The following HS3ST4 variants were observed in gnomAD, a reference collection of about 807,000 sequenced individuals.
HS3ST4 encodes the protein heparan sulfate-glucosamine 3-sulfotransferase 4.
Under a neutral mutation model 29.2 loss-of-function variants are expected in HS3ST4, and 17 were observed. That is an observed-to-expected ratio of 0.58 (90% CI 0.40 to 0.87). The LOEUF (loss-of-function observed/expected upper bound fraction) is 0.87. HS3ST4 is among the 40% of genes least tolerant of loss of function. The pLI is 0.00. For synonymous variants in HS3ST4, 314 were observed against 285.7 expected (o/e 1.10, Z -1.00); for missense variants, 627 against 634.5 (o/e 0.99, Z 0.13).
intron 1 of HS3ST4, among the ~76,000 whole-genome samples, chr16:26,027,641 T>C (rs555568546): frequency 6.6e-6 from 1 of 152,336 alleles, no homozygotes; most frequent in South Asian, 2.1e-4. Flanking sequence ...AACAGCTTCC[T>C]AGGACCACTG....
At chr16:25,872,747 T>C (rs1187904310) in intron 1 of HS3ST4, among the ~76,000 whole-genome samples, 1 of 152,184 alleles carries the variant, frequency 6.6e-6, no homozygotes, top group Non-Finnish European at 1.5e-5. Flanking sequence ...AAAGAGTAGA[T>C]GAATAAAATC....
chr16:25,861,601 C>T (rs1437021785), intron 1 of HS3ST4, among the ~76,000 whole-genome samples: 2 of 152,136 alleles, frequency 1.3e-5, no homozygotes, highest in African/African-American at 2.4e-5. Context: ...ATGCAACATA[C>T]AGGCACCAGC....
intron 1 of HS3ST4, among the ~76,000 whole-genome samples, chr16:26,095,211 A>G (rs188263654): frequency 6.6e-6 from 1 of 152,320 alleles, no homozygotes; most frequent in East Asian, 1.9e-4. Context: ...GATCAATGAG[A>G]CAGAAGGTTA....
intron 1 of HS3ST4, among the ~76,000 whole-genome samples, chr16:25,943,247 GT>G (rs1282680961): frequency 6.6e-6 from 1 of 152,168 alleles, no homozygotes; most frequent in African/African-American, 2.4e-5. Context: ...GACATAACAG[GT>G]GTTCCAACAT....
At chr16:26,025,250 G>T (rs1969456558) in intron 1 of HS3ST4, 1 of 154,068 alleles carries the variant, frequency 6.5e-6, no homozygotes, top group South Asian at 2.0e-4. Flanking sequence ...TGGTGCAAAA[G>T]TAACTGCGGT....
rs1426400065 is a variant in HS3ST4 at position 25,962,413 on chromosome 16, A to G, written c.735-173199A>G. Reference sequence around the variant, plus strand: ...CATTCACTGGTATGACCTGGGATACATTGCTTATCCACTTTTGCCTCAGTG... The same window carrying G: ...CATTCACTGGTATGACCTGGGATACGTTGCTTATCCACTTTTGCCTCAGTG... On this transcript the variant is annotated intron_variant, in intron 1 of 1. Coordinates refer to ENST00000331351, the MANE Select transcript of HS3ST4 (RefSeq NM_006040.3). 3.3e-5 allele frequency among the ~76,000 whole-genome samples: 5 copies of G among 152,204 alleles called. 1 individual carries two copies. Among genetic ancestry groups the G allele is most frequent in the South Asian group, 4.1e-4 (2 of 4,832 alleles).
At chr16:26,036,013 G>GTC (rs1158894213) in intron 1 of HS3ST4, among the ~76,000 whole-genome samples, 2 of 152,198 alleles carry the variant, frequency 1.3e-5, no homozygotes, top group African/African-American at 2.4e-5. Flanking sequence ...TTCACTGAAA[G>GTC]TCTCTCTCTC....
intron 1 of HS3ST4, among the ~76,000 whole-genome samples, chr16:26,051,119 C>T (rs953267565): frequency 1.3e-5 from 2 of 152,026 alleles, no homozygotes; most frequent in Non-Finnish European, 2.9e-5. Flanking sequence ...GCCCAACAAG[C>T]GTGCAAGGCT....
In HS3ST4 at chr16:25,692,514, C is replaced by A. The variant is rs1341194885; in HGVS notation, c.97C>A (p.Arg33Ser). 7.0e-7 allele frequency: 1 copy of A among 1,423,084 alleles called. No individual in the cohort carries two copies. The highest frequency in any genetic ancestry group is 9.3e-7 in the Non-Finnish European group (1 of 1,076,278). The allele number at this position is 1,423,084 out of a possible 1,614,324, so 88.2% of individuals were successfully genotyped here. A position where few individuals can be genotyped will look rare whatever the true frequency, so the allele number is the denominator to read the frequency against. ...PGASAKGPPARKLLFMCTLSL... is the reference protein window; with the variant it reads ...PGASAKGPPASKLLFMCTLSL... ...CGCCTCTGCTAAGGGGCCGCCGGCG[C>A]GCAAGCTGCTTTTTATGTGCACCTT... is the stretch of plus-strand genomic sequence containing the variant. Residue 33 changes from arginine to serine, a missense_variant, in exon 1 of 2, where the codon CGC becomes AGC. Arg to Ser is a moderately radical substitution (Grantham distance 110). Around this residue, in one of 2 missense-constraint regions of HS3ST4, gnomAD observed 402 missense variants for 340.8 expected, o/e 1.18. Transcript: ENST00000331351.
intron 1 of HS3ST4, among the ~76,000 whole-genome samples, chr16:25,962,478 C>G (rs762122962): frequency 7.2e-5 from 11 of 152,126 alleles, no homozygotes; most frequent in Admixed American, 1.3e-4. Context: ...ACATTTTAGT[C>G]AGGGTAATGA....
chr16:25,702,744 C>A (rs976789771), intron 1 of HS3ST4, among the ~76,000 whole-genome samples: 6 of 152,152 alleles, frequency 3.9e-5, no homozygotes, highest in Admixed American at 3.9e-4. Context: ...AAATAACTGT[C>A]ACTGTTTAGA....
intron 1 of HS3ST4, among the ~76,000 whole-genome samples, chr16:26,079,896 G>A (rs7186824): frequency 0.047 from 7,105 of 152,230 alleles, 546 homozygotes; most frequent in African/African-American, 0.16. Context: ...GCTACTTTCT[G>A]AGCGCAATGG....
At chr16:25,988,664 G>A (rs933073982) in intron 1 of HS3ST4, among the ~76,000 whole-genome samples, 3 of 152,056 alleles carry the variant, frequency 2.0e-5, no homozygotes, top group African/African-American at 7.2e-5. Context: ...TAAATGATGA[G>A]AACACATGGA....
intron 1 of HS3ST4, among the ~76,000 whole-genome samples, chr16:25,921,248 A>T (rs1567272793): frequency 9.2e-5 from 14 of 152,216 alleles, no homozygotes. Flanking sequence ...CAAATTCCCA[A>T]GGTTGCCCAA....
intron 1 of HS3ST4, among the ~76,000 whole-genome samples, chr16:25,874,227 GA>G (rs570251963): frequency 1.6e-4 from 24 of 147,114 alleles, no homozygotes; most frequent in East Asian, 5.9e-4. Context: ...GAAAACTACA[GA>G]AAAAAAAAAG....
At chr16:26,014,751 G>A (rs927425794) in intron 1 of HS3ST4, among the ~76,000 whole-genome samples, 28 of 152,284 alleles carry the variant, frequency 1.8e-4, no homozygotes, top group Middle Eastern at 3.4e-3. Flanking sequence ...TCACTGATGA[G>A]TTTTTAAGTA....
intron 1 of HS3ST4, among the ~76,000 whole-genome samples, chr16:26,059,675 C>G (rs2141770356): frequency 6.6e-6 from 1 of 152,322 alleles, no homozygotes; most frequent in South Asian, 2.1e-4. Flanking sequence ...CATGATAACA[C>G]CTCACTGGGA....
intron 1 of HS3ST4, among the ~76,000 whole-genome samples, chr16:25,857,389 G>A (rs1229766314): frequency 6.6e-6 from 1 of 152,178 alleles, no homozygotes; most frequent in Non-Finnish European, 1.5e-5. Context: ...TTGGAAGGAT[G>A]GGAGTGATGG....
At chr16:25,712,204 T>C (rs1966420096) in intron 1 of HS3ST4, among the ~76,000 whole-genome samples, 1 of 152,020 alleles carries the variant, frequency 6.6e-6, no homozygotes, top group African/African-American at 2.4e-5. Context: ...ACACATGAAT[T>C]ATAGAAATAA....
Sources: gnomAD v4.1 joint callset for allele counts (sites outside exome capture counted in the v4.1 genomes callset) on GRCh38, gnomAD v4.1.1 for gene constraint, gnomAD v4.1.1 regional missense constraint, MANE v1.5 for transcripts, NCBI Gene and HGNC (gene_info 2026-07-23, HGNC 2026-07-21) for gene names.